AAK1: variants seen among roughly 807,000 people sequenced by gnomAD.
AAK1 encodes AP2 associated kinase 1, also known as AP2-associated protein kinase 1.
A neutral mutation model predicts 116.0 loss-of-function variants in AAK1; 37 were observed. That is an observed-to-expected ratio of 0.32 (90% CI 0.25 to 0.42). The LOEUF is 0.42. Among genes scored for constraint, AAK1 ranks in the 10% least tolerant of loss-of-function variants. The pLI, the probability that AAK1 is intolerant of heterozygous loss-of-function variation, is 1.00. For missense variants in AAK1, 919 were observed against 1,170.6 expected (o/e 0.79, Z 3.14); for synonymous variants, 458 against 439.9 (o/e 1.04, Z -0.51).
At chr2:69,583,454 T>C (rs59747157) in intron 2 of AAK1, among the ~76,000 whole-genome samples, 1,982 of 152,332 alleles carry the variant, frequency 0.013, 39 homozygotes, top group African/African-American at 0.044. Flanking sequence ...ATCTCCCTAA[T>C]ATAGGCACAT....
At chr2:69,527,054 A>C (rs980816667) in intron 9 of AAK1, among the ~76,000 whole-genome samples, 162 bp downstream of exon 9, 1 of 152,208 alleles carries the variant, frequency 6.6e-6, no homozygotes, top group African/African-American at 2.4e-5. Context: ...GGAAAACTGG[A>C]TTCCCTTTAT....
intron 10 of AAK1, among the ~76,000 whole-genome samples, chr2:69,523,304 T>C (rs1461726843): frequency 1.3e-5 from 2 of 152,192 alleles, no homozygotes; most frequent in Non-Finnish European, 2.9e-5. Flanking sequence ...GAGGTGAGCA[T>C]GGCAGAATTA....
At chr2:69,572,099 G>C (rs1055244477) in intron 2 of AAK1, among the ~76,000 whole-genome samples, 22 of 152,308 alleles carry the variant, frequency 1.4e-4, no homozygotes, top group African/African-American at 4.3e-4. Context: ...AGCACCAACT[G>C]ATGAACTGAA....
intron 3 of AAK1, among the ~76,000 whole-genome samples, chr2:69,550,468 C>T (rs1438553624): frequency 6.6e-6 from 1 of 151,994 alleles, no homozygotes; most frequent in African/African-American, 2.4e-5. Context: ...CCATGCTCAG[C>T]TAATTTTTGT....
At chr2:69,575,020 C>CCA (rs1553417498) in intron 2 of AAK1, among the ~76,000 whole-genome samples, 31 of 76,806 alleles carry the variant, frequency 4.0e-4, no homozygotes, top group Admixed American at 2.7e-3. Flanking sequence ...AAAAAGACTA[C>CCA]AAAAAAAAAA....
intron 5 of AAK1, 109 bp downstream of exon 5, chr2:69,542,414 A>C: frequency 7.5e-7 from 1 of 1,335,534 alleles, no homozygotes; most frequent in Non-Finnish European, 1.0e-6. Flanking sequence ...ACATAAAAAC[A>C]GGGACCATAT....
rs1674710545 is a variant in AAK1 at position 69,472,417 on chromosome 2, G to C, written c.*3452C>G. On this transcript the variant is annotated 3_prime_UTR_variant, in exon 22 of 22. Coordinates refer to ENST00000409085, the MANE Select transcript of AAK1 (RefSeq NM_014911.5). ...CCTTCCTTGATATTATTTCTAAGGAGAGGAGTTTCAAAAATAACTTTAAGG... is the reference window on the plus strand; with the variant it reads ...CCTTCCTTGATATTATTTCTAAGGACAGGAGTTTCAAAAATAACTTTAAGG... The C allele has an allele frequency of 2.4e-5, 6 of 254,238 alleles. No homozygotes were observed. The highest frequency in any genetic ancestry group is 3.7e-5 in the Non-Finnish European group (6 of 161,484). The allele number at this position is 254,238 out of a possible 1,614,324, so 15.7% of individuals were successfully genotyped here. A position where few individuals can be genotyped will look rare whatever the true frequency, so the allele number is the denominator to read the frequency against.
At chr2:69,601,418 T>C (rs955154045) in intron 2 of AAK1, among the ~76,000 whole-genome samples, 18 of 152,226 alleles carry the variant, frequency 1.2e-4, no homozygotes, top group African/African-American at 2.9e-4. Flanking sequence ...AGGCAGTTTA[T>C]TGGGACTCCA....
At chr2:69,503,811 G>A (rs536323128) in intron 16 of AAK1, among the ~76,000 whole-genome samples, 18 of 152,118 alleles carry the variant, frequency 1.2e-4, no homozygotes, top group East Asian at 1.2e-3. Context: ...GTAAGCCACC[G>A]CACCTGTAAT....
intron 2 of AAK1, among the ~76,000 whole-genome samples, chr2:69,610,432 T>C (rs1432948852): frequency 2.0e-5 from 3 of 152,220 alleles, no homozygotes; most frequent in Admixed American, 6.5e-5. Flanking sequence ...CTTCATGACA[T>C]TGAATTTAGC....
intron 3 of AAK1, among the ~76,000 whole-genome samples, chr2:69,547,540 A>G (rs575127460): frequency 6.6e-6 from 1 of 152,358 alleles, no homozygotes; most frequent in East Asian, 1.9e-4. Context: ...TTAGGGAAAT[A>G]TAAATAAAAA....
Position 69,466,526 on chromosome 2 carries a change from A to T in AAK1, c.*9343T>A. 1 of 1,212,050 alleles carries T rather than the reference A, an allele frequency of 8.3e-7. No individual in the cohort carries two copies. The highest frequency in any genetic ancestry group is 1.1e-6 in the Non-Finnish European group (1 of 949,452). 75.1% of individuals were successfully genotyped at this position (1,212,050 alleles called of 1,614,324 possible). A position where few individuals can be genotyped will look rare whatever the true frequency, so the allele number is the denominator to read the frequency against. On this transcript the variant is annotated 3_prime_UTR_variant, in exon 22 of 22. Transcript: ENST00000409085. ...TAAAGTGCTCTACAGTTATTACAGG[A>T]CAGGGATTGGACTCCCTCTGGAGAT...
At chr2:69,481,505 C>G (rs1007916027) in intron 18 of AAK1, 1 of 152,490 alleles carries the variant, frequency 6.6e-6, no homozygotes, top group Non-Finnish European at 1.5e-5. Flanking sequence ...CAGGATGTAG[C>G]TGGGAGGCCT....
Position 69,480,898 on chromosome 2 carries a change from A to G in AAK1, c.2531T>C (p.Leu844Pro). 6.2e-7 allele frequency: 1 copy of G among 1,606,710 alleles called. No individual in the cohort carries two copies. Among genetic ancestry groups the G allele is most frequent in the Non-Finnish European group, 8.5e-7 (1 of 1,177,184 alleles). Reference protein sequence around the residue: ...PGLEPPVPQRLPSQTESVTSN... With the variant: ...PGLEPPVPQRPPSQTESVTSN... ...GGTCACAGATTCCGTCTGAGATGGGAGGCGCTGGGGAACTGGGGGCTCCAG... is the reference window on the plus strand; with the variant it reads ...GGTCACAGATTCCGTCTGAGATGGGGGGCGCTGGGGAACTGGGGGCTCCAG... Residue 844 changes from leucine to proline, a missense_variant, in exon 19 of 22, where the codon CTC (leucine) becomes CCC (proline). Leu to Pro is a moderately conservative substitution (Grantham distance 98). This residue lies in a region of AAK1 where 263 missense variants were observed against 285.5 expected (regional missense o/e 0.92). Coordinates refer to ENST00000409085, the MANE Select transcript of AAK1 (RefSeq NM_014911.5).
intron 12 of AAK1, among the ~76,000 whole-genome samples, chr2:69,517,595 G>A (rs1307938607): frequency 2.0e-5 from 3 of 151,424 alleles, no homozygotes; most frequent in Non-Finnish European, 4.4e-5. Flanking sequence ...TGATGCAACA[G>A]GAAGAACAAA....
chr2:69,476,902 T>G lies in AAK1; in HGVS notation c.2769A>C (p.Val923=), dbSNP rs763891076. ...TACCTTGTGGGTTTTTGGTTATCAA[T>G]ACAGGAATAGGGTCAAACTCATCTT... The part of the protein sequence containing the change: ...VAEDEFDPIP[V]LITKNPQGGH... Residue 923 remains valine (V), a synonymous_variant, in exon 21 of 22, where the codon GTA becomes GTC. Transcript: ENST00000409085. 7 of 1,613,712 alleles carry G rather than the reference T, an allele frequency of 4.3e-6. No individual in the cohort carries two copies. Among genetic ancestry groups the G allele is most frequent in the Non-Finnish European group, 5.1e-6 (6 of 1,179,774 alleles).
At chr2:69,565,094 C>CTGGAGGGT (rs1558965832) in intron 2 of AAK1, among the ~76,000 whole-genome samples, 2 of 152,158 alleles carry the variant, frequency 1.3e-5, no homozygotes, top group Non-Finnish European at 2.9e-5. Flanking sequence ...TTTAACAAAA[C>CTGGAGGGT]GTATGGAGGG....
Position 69,466,235 on chromosome 2 carries a change from T to A in AAK1, c.*9634A>T, listed in dbSNP as rs1389460135. 6.2e-6 allele frequency: 8 copies of A among 1,289,650 alleles called. No individual in the cohort carries two copies. The African/African-American group carries it at 1.2e-4, about 20-fold the overall frequency. 79.9% of individuals were successfully genotyped at this position (1,289,650 alleles called of 1,614,324 possible). ...CAGGAGAGACTTCTGGTGGAGCGAA[T>A]GGAACGGCTCCTCCCAGCTTCCCCG... On this transcript the variant is annotated 3_prime_UTR_variant, in exon 22 of 22. Transcript: ENST00000409085.
chr2:69,602,061 A>C (rs368676928), intron 2 of AAK1, among the ~76,000 whole-genome samples: 8 of 152,214 alleles, frequency 5.3e-5, no homozygotes, highest in African/African-American at 1.7e-4. Context: ...ATCTAAGCAC[A>C]GGGAACATCA....
Sources: gnomAD v4.1 joint callset for allele counts (sites outside exome capture counted in the v4.1 genomes callset) on GRCh38, gnomAD v4.1.1 for gene constraint, gnomAD v4.1.1 regional missense constraint, MANE v1.5 for transcripts, NCBI Gene and HGNC (gene_info 2026-07-23, HGNC 2026-07-21) for gene names.